The following ASAP2 variants were observed in gnomAD, a reference collection of about 807,000 sequenced individuals.
The protein encoded by ASAP2 is ArfGAP with SH3 domain, ankyrin repeat and PH domain 2, also known as arf-GAP with SH3 domain, ANK repeat and PH domain-containing protein 2.
Under a neutral mutation model 131.4 loss-of-function variants are expected in ASAP2, and 45 were observed. The observed-to-expected ratio is 0.34, with a 90% CI of 0.27 to 0.44. The LOEUF (loss-of-function observed/expected upper bound fraction) is 0.44. Among genes scored for constraint, ASAP2 ranks in the 20% least tolerant of loss-of-function variants. The pLI is 1.00. For missense variants in ASAP2, 1,011 were observed against 1,297.0 expected (o/e 0.78, Z 3.39); for synonymous variants, 510 against 503.0 (o/e 1.01, Z -0.19).
intron 24 of ASAP2, 33 bp downstream of exon 24, chr2:9,393,680 G>T (rs1226316880): frequency 1.4e-5 from 21 of 1,540,710 alleles, no homozygotes; most frequent in Non-Finnish European, 1.7e-5. Context: ...GGCCATCCGT[G>T]CTCCTGCCCT....
At chr2:9,302,212 G>A (rs192765954) in intron 3 of ASAP2, among the ~76,000 whole-genome samples, 53 of 127,120 alleles carry the variant, frequency 4.2e-4, no homozygotes, top group African/African-American at 1.6e-3. Context: ...TCGCTCTGTC[G>A]CCCAGGCTGG....
At chr2:9,310,716 G>C (rs1391138206) in intron 3 of ASAP2, among the ~76,000 whole-genome samples, 2 of 152,104 alleles carry the variant, frequency 1.3e-5, no homozygotes, top group East Asian at 3.8e-4. Flanking sequence ...TGAACTGAAG[G>C]GTGGGGGAAA....
chr2:9,312,769 G>A (rs991397393), intron 3 of ASAP2, among the ~76,000 whole-genome samples: 8 of 152,084 alleles, frequency 5.3e-5, no homozygotes, highest in Non-Finnish European at 1.2e-4. Flanking sequence ...GCTTGTTTTT[G>A]TTTCCTAACT....
intron 1 of ASAP2, among the ~76,000 whole-genome samples, chr2:9,241,143 T>C (rs1249554775): frequency 1.3e-5 from 2 of 152,254 alleles, no homozygotes; most frequent in African/African-American, 2.4e-5. Flanking sequence ...GGTAGTACTG[T>C]ATCTGGATGA....
intron 1 of ASAP2, among the ~76,000 whole-genome samples, chr2:9,220,921 T>C (rs937859965): frequency 1.3e-5 from 2 of 152,226 alleles, no homozygotes; most frequent in African/African-American, 2.4e-5. Context: ...ACTTTTCTTC[T>C]TGAATTCTCT....
chr2:9,277,624 C>G (rs1007862636), intron 1 of ASAP2, among the ~76,000 whole-genome samples: 1 of 152,266 alleles, frequency 6.6e-6, no homozygotes, highest in African/African-American at 2.4e-5. Flanking sequence ...AATACCCGTT[C>G]CCCTTGACAT....
Position 9,368,433 on chromosome 2 carries a change from G to A in ASAP2, c.1470G>A (p.Lys490=). The change falls in exon 16 of 28, where the codon AAG becomes AAA. Residue 490 remains lysine, a synonymous_variant. Coordinates refer to ENST00000281419, the MANE Select transcript of ASAP2 (RefSeq NM_003887.3). ...VLGTSELLLA[K]NIGNAGFNEI... ...GACTTTCATTTTTGCAGCTCGCCAAGAATATTGGGAATGCAGGCTTTAATG... is the reference window on the plus strand; with the variant it reads ...GACTTTCATTTTTGCAGCTCGCCAAAAATATTGGGAATGCAGGCTTTAATG... The A allele has an allele frequency of 6.2e-7, 1 of 1,614,118 alleles. No individual in the cohort carries two copies. The highest frequency in any genetic ancestry group is 1.3e-5 in the African/African-American group (1 of 75,024).
In ASAP2 at chr2:9,379,890, G is replaced by C. The variant is rs146277749; in HGVS notation, c.1948+831G>C. On this transcript the variant is annotated intron_variant, in intron 19 of 27. Coordinates refer to ENST00000281419, the MANE Select transcript of ASAP2 (RefSeq NM_003887.3). Reference sequence around the variant, plus strand: ...ACCTGTAGGCCCAGCTACTTGGGAGGCTGAGGCAGGAGAATCACTTGAACC... The same window carrying C: ...ACCTGTAGGCCCAGCTACTTGGGAGCCTGAGGCAGGAGAATCACTTGAACC... 3.1e-3 allele frequency among the ~76,000 whole-genome samples: 474 copies of C among 151,910 alleles called. 2 individuals carry two copies. The highest frequency in any genetic ancestry group is 0.011 in the African/African-American group (442 of 41,466).
At chr2:9,211,021 G>A (rs995684945) in intron 1 of ASAP2, among the ~76,000 whole-genome samples, 4 of 152,046 alleles carry the variant, frequency 2.6e-5, no homozygotes, top group Non-Finnish European at 5.9e-5. Flanking sequence ...TGGGTGTGGT[G>A]GCGCATGCCT....
intron 1 of ASAP2, among the ~76,000 whole-genome samples, chr2:9,226,595 C>T (rs1287498393): frequency 2.0e-5 from 3 of 152,188 alleles, no homozygotes; most frequent in African/African-American, 7.2e-5. Context: ...CTGAGGTTGT[C>T]CTGCTCTGGA....
At chr2:9,377,467 TTTA>T (rs1674496912) in intron 18 of ASAP2, among the ~76,000 whole-genome samples, 1 of 152,180 alleles carries the variant, frequency 6.6e-6, no homozygotes, top group Admixed American at 6.5e-5. Context: ...AGAAGTTGTT[TTTA>T]TGCTTTGATT....
intron 1 of ASAP2, among the ~76,000 whole-genome samples, chr2:9,243,129 G>A (rs1193787810): frequency 6.6e-6 from 1 of 152,084 alleles, no homozygotes; most frequent in African/African-American, 2.4e-5. Flanking sequence ...GTTTTTTTGA[G>A]ACGGAGTCTT....
intron 3 of ASAP2, among the ~76,000 whole-genome samples, chr2:9,301,818 A>ATTTTTTTTTTTTTTTTT (rs1558310253): frequency 4.7e-5 from 6 of 127,354 alleles, no homozygotes; most frequent in African/African-American, 1.8e-4. Context: ...TGTATCCATC[A>ATTTTTTTTTTTTTTTTT]TCTTTTTTTT....
At chr2:9,383,633 A>G (rs893466656) in intron 20 of ASAP2, among the ~76,000 whole-genome samples, 3 of 152,114 alleles carry the variant, frequency 2.0e-5, no homozygotes, top group Non-Finnish European at 4.4e-5. Context: ...CATAATCCTA[A>G]TCTTGAGGCC....
intron 1 of ASAP2, among the ~76,000 whole-genome samples, chr2:9,220,138 T>C (rs770808256): frequency 1.4e-4 from 21 of 152,352 alleles, no homozygotes; most frequent in Non-Finnish European, 2.2e-4. Flanking sequence ...CCTCCACTTT[T>C]AGGCTATTAT....
At chr2:9,338,074 C>T (rs779885844) in intron 9 of ASAP2, among the ~76,000 whole-genome samples, 5 of 152,188 alleles carry the variant, frequency 3.3e-5, no homozygotes, top group Non-Finnish European at 5.9e-5. Flanking sequence ...CATCCCACGT[C>T]GTCCATCCGA....
chr2:9,307,824 G>A (rs1257702458), intron 3 of ASAP2, among the ~76,000 whole-genome samples: 5 of 152,218 alleles, frequency 3.3e-5, no homozygotes, highest in Non-Finnish European at 7.3e-5. Flanking sequence ...GGATCAGCAT[G>A]GGCTCCCCCT....
chr2:9,315,053 G>A (rs997955788), intron 3 of ASAP2, among the ~76,000 whole-genome samples: 2 of 152,148 alleles, frequency 1.3e-5, no homozygotes, highest in Non-Finnish European at 2.9e-5. Context: ...AGAAGGCTTT[G>A]AACAGCAGGG....
chr2:9,335,097 A>G lies in ASAP2; in HGVS notation c.767A>G (p.Lys256Arg), dbSNP rs184456996. The G allele has an allele frequency of 1.2e-6, 2 of 1,614,102 alleles. No individual in the cohort carries two copies. Among genetic ancestry groups the G allele is most frequent in the African/African-American group, 1.3e-5 (1 of 75,028 alleles). The part of the protein sequence containing the change: ...ETLSTDLHTI[K>R]QAQDEERRQL... ...TGTGTGTGTGTGTTTTTAAAGATCA[A>G]ACAGGCCCAGGATGAAGAAAGAAGG... Residue 256 changes from lysine to arginine, a missense_variant, in exon 9 of 28, where the codon AAA (lysine) becomes AGA (arginine). This residue lies in a region of ASAP2 where 359 missense variants were observed against 598.1 expected (regional missense o/e 0.60). Transcript: ENST00000281419.
Sources: allele counts gnomAD v4.1 joint callset (sites outside exome capture counted in the v4.1 genomes callset), GRCh38; gene constraint gnomAD v4.1.1; regional missense constraint gnomAD v4.1.1; transcripts MANE v1.5; gene names NCBI Gene and HGNC (gene_info 2026-07-23, HGNC 2026-07-21).